JAK1: variants seen among roughly 807,000 people sequenced by gnomAD.
JAK1 encodes the protein Janus kinase 1.
A neutral mutation model predicts 136.6 loss-of-function variants in JAK1; 16 were observed. The observed-to-expected ratio is 0.12, with a 90% CI of 0.08 to 0.18. The LOEUF is 0.18. Ranked by LOEUF, JAK1 falls within the 10% of genes least tolerant of loss-of-function variation. The pLI is 1.00. For missense variants in JAK1, 859 were observed against 1,450.1 expected (o/e 0.59, Z 6.62); for synonymous variants, 492 against 519.5 (o/e 0.95, Z 0.72).
In JAK1 at chr1:64,864,886, G is replaced by A. The variant is rs376472861; in HGVS notation, c.1077C>T (p.Ile359=). Residue 359 remains isoleucine (I), a synonymous_variant, in exon 8 of 25, where the codon ATC becomes ATT. Coordinates refer to ENST00000342505, the MANE Select transcript of JAK1 (RefSeq NM_002227.4). ...AAGAAAAATTGTTCCACTCTTCCCG[G>A]ATCTTGTTTTTCTCCTCATCCTTCT... ...KHKKDEEKNK[I]REEWNNFSYF... 18 of 1,613,704 alleles carry A rather than the reference G, an allele frequency of 1.1e-5. No individual in the cohort carries two copies. The highest frequency in any genetic ancestry group is 1.4e-5 in the Non-Finnish European group (16 of 1,179,750).
chr1:65,005,666 T>A (rs191556166), intron 2 of JAK1, among the ~76,000 whole-genome samples: 1 of 152,210 alleles, frequency 6.6e-6, no homozygotes, highest in Non-Finnish European at 1.5e-5. Flanking sequence ...CCAATAAATA[T>A]GTACTATGTC....
Position 64,915,132 on chromosome 1 carries a change from C to A in JAK1, c.-77-28791G>T, listed in dbSNP as rs948564353. ...GTGAAGGTAAATGAGGCAGGATTCCCAGCTAAAATGGCAGATTGAACAGAA... is the reference window on the plus strand; with the variant it reads ...GTGAAGGTAAATGAGGCAGGATTCCAAGCTAAAATGGCAGATTGAACAGAA... On this transcript the variant is annotated intron_variant, in intron 1 of 24. Transcript: ENST00000342505. 5.9e-5 allele frequency among the ~76,000 whole-genome samples: 9 copies of A among 152,224 alleles called. No homozygotes were observed. The East Asian group carries it at 1.5e-3, about 26-fold the overall frequency.
At chr1:64,836,256 G>GCA in intron 22 of JAK1, 41 bp from the exon 23 acceptor site, 1 of 1,140,690 alleles carries the variant, frequency 8.8e-7, no homozygotes, top group Non-Finnish European at 1.3e-6. Context: ...TTCCTGGGAG[G>GCA]CACACTCCAT....
intron 1 of JAK1, among the ~76,000 whole-genome samples, chr1:64,938,211 T>A (rs7516513): frequency 0.98 from 149,530 of 152,190 alleles, 73,495 homozygotes; most frequent in Middle Eastern, 1. Context: ...AAGTTTTTTT[T>A]AAAAAAAAGT....
chr1:64,864,759 G>C lies in JAK1; in HGVS notation c.1176+28C>G, dbSNP rs747178202. 27 of 1,567,680 alleles carry C rather than the reference G, an allele frequency of 1.7e-5. No homozygotes were observed. In the African/African-American group the frequency reaches 3.0e-4, roughly 17 times the overall value. On this transcript the variant is annotated intron_variant, in intron 8 of 24. Transcript: ENST00000342505. ...ATTCTCCCTCTCATCACCAGATCCA[G>C]ACTTAAGAGCTTCTGGGACAAACTT...
intron 2 of JAK1, among the ~76,000 whole-genome samples, chr1:65,019,018 T>G (rs528965): frequency 6.6e-6 from 1 of 151,584 alleles, no homozygotes; most frequent in Non-Finnish European, 1.5e-5. Flanking sequence ...CTCAAAAAAA[T>G]AAAAATAAAA....
At chr1:64,882,058 A>G (rs1644781842) in intron 3 of JAK1, among the ~76,000 whole-genome samples, 1 of 152,220 alleles carries the variant, frequency 6.6e-6, no homozygotes, top group South Asian at 2.1e-4. Context: ...CGGCCTAGTC[A>G]AAATAACTTG....
At position 64,958,634 on chromosome 1, in the gene JAK1, T is replaced by C. The variant is rs116579558; in HGVS notation, c.-78+7699A>G. Among the ~76,000 whole-genome samples the C allele has an allele frequency of 1.0e-2, 1,519 of 152,364 alleles. 29 individuals are homozygous for C. The highest frequency in any genetic ancestry group is 0.035 in the African/African-American group (1,456 of 41,582). ...CTAGTTTAATAACAAAATTTTTATC[T>C]GGAAAGACACATATTTGGCAGATTA... On this transcript the variant is annotated intron_variant, in intron 1 of 24. Transcript: ENST00000342505.
At chr1:65,014,948 G>A (rs1646881092) in intron 2 of JAK1, among the ~76,000 whole-genome samples, 1 of 151,994 alleles carries the variant, frequency 6.6e-6, no homozygotes, top group Admixed American at 6.6e-5. Flanking sequence ...GCCTCCCAAA[G>A]TGCTGGGATT....
chr1:64,959,385 T>C (rs1381436108), intron 1 of JAK1, among the ~76,000 whole-genome samples: 1 of 152,232 alleles, frequency 6.6e-6, no homozygotes, highest in African/African-American at 2.4e-5. Flanking sequence ...GGGCATTCCA[T>C]AGAAACTGAA....
At chr1:64,884,192 C>A (rs367932704) in intron 2 of JAK1, among the ~76,000 whole-genome samples, 1 of 152,058 alleles carries the variant, frequency 6.6e-6, no homozygotes, top group Non-Finnish European at 1.5e-5. Context: ...GTGAAAAGTG[C>A]GTAAGTAAGT....
intron 1 of JAK1, among the ~76,000 whole-genome samples, chr1:65,062,983 A>AT: frequency 6.6e-6 from 1 of 152,244 alleles, no homozygotes; most frequent in African/African-American, 2.4e-5. Flanking sequence ...ATAGCACCGA[A>AT]TAGCTCCTAA....
chr1:64,942,758 C>G (rs1406755743), intron 1 of JAK1, among the ~76,000 whole-genome samples: 1 of 152,092 alleles, frequency 6.6e-6, no homozygotes, highest in African/African-American at 2.4e-5. Context: ...ATATAAGATA[C>G]TTTTTTCTCC....
intron 5 of JAK1, among the ~76,000 whole-genome samples, chr1:64,870,018 A>ACC (rs144665643): frequency 1.7e-4 from 26 of 151,722 alleles, no homozygotes; most frequent in African/African-American, 4.8e-4. Context: ...ACCAAAATAT[A>ACC]CCCCCCCACT....
At chr1:65,010,282 A>ATGCT (rs1557756480) in intron 2 of JAK1, among the ~76,000 whole-genome samples, 1 of 152,078 alleles carries the variant, frequency 6.6e-6, no homozygotes, top group East Asian at 1.9e-4. Context: ...GTTCTCTCTT[A>ATGCT]TGCTTGCGCT....
intron 1 of JAK1, among the ~76,000 whole-genome samples, chr1:65,051,609 G>C (rs1647285985): frequency 6.6e-6 from 1 of 152,008 alleles, no homozygotes; most frequent in South Asian, 2.1e-4. Flanking sequence ...GATATTCCTG[G>C]TTCGAAGATA....
chr1:64,873,260 GC>G (rs1657184025), intron 5 of JAK1, 109 bp downstream of exon 5: 3 of 1,276,736 alleles, frequency 2.3e-6, no homozygotes, highest in Non-Finnish European at 2.2e-6. Context: ...CCCAGAACAG[GC>G]CTTAAAGCAC....
chr1:64,853,542 A>T (rs2101041325), intron 11 of JAK1, among the ~76,000 whole-genome samples: 1 of 151,976 alleles, frequency 6.6e-6, no homozygotes. Flanking sequence ...GGCAAACTGT[A>T]AGCCCTGCTC....
intron 2 of JAK1, chr1:64,985,871 C>A: frequency 1.6e-6 from 1 of 628,306 alleles, no homozygotes; most frequent in South Asian, 1.8e-5. Context: ...AGGAGCTAAT[C>A]ATACAACCAA....
Sources: gnomAD v4.1 joint callset for allele counts (sites outside exome capture counted in the v4.1 genomes callset) on GRCh38, gnomAD v4.1.1 for gene constraint, MANE v1.5 for transcripts, NCBI Gene and HGNC (gene_info 2026-07-23, HGNC 2026-07-21) for gene names.